Variants in KPNA4 observed in about 807,000 individuals in gnomAD.
KPNA4 encodes the protein importin subunit alpha-3.
KPNA4 carries 13 observed loss-of-function variants against 71.3 expected under a neutral mutation model. The ratio of observed to expected loss-of-function variants is 0.18; its 90% CI spans 0.12 to 0.29. The LOEUF (loss-of-function observed/expected upper bound fraction) is 0.29. KPNA4 is among the 10% of genes least tolerant of loss of function. The probability of loss-of-function intolerance (pLI) is 1.00; values close to 1 mark genes in which losing one functional copy is unlikely to be tolerated. For synonymous variants in KPNA4, 189 were observed against 195.2 expected, an observed-to-expected ratio of 0.97 and a Z score of 0.26; for missense variants, 334 against 603.2, an observed-to-expected ratio of 0.55 and a Z score of 4.67.
intron 15 of KPNA4, among the ~76,000 whole-genome samples, chr3:160,507,186 T>C (rs1429004614): frequency 1.3e-5 from 2 of 152,124 alleles, no homozygotes; most frequent in African/African-American, 4.8e-5. Flanking sequence ...AAACATCTAC[T>C]GTGCCATAAA....
chr3:160,521,153 T>C (rs993323746), intron 11 of KPNA4, among the ~76,000 whole-genome samples: 3 of 151,406 alleles, frequency 2.0e-5, no homozygotes, highest in Admixed American at 2.0e-4. Context: ...GGTGAGTAAA[T>C]AAGGATGGTT....
Position 160,526,255 on chromosome 3 carries a change from A to G in KPNA4, c.557-148T>C, listed in dbSNP as rs1056989329. ...GACAATAACAAGCAGGCTCACATTC[A>G]AGGTCTCTGAGCCAAGAGAGGCAAC... On this transcript the variant is annotated intron_variant, in intron 8 of 16. Coordinates refer to ENST00000334256, the MANE Select transcript of KPNA4 (RefSeq NM_002268.5). 7.7e-6 allele frequency: 4 copies of G among 517,180 alleles called. No individual in the cohort carries two copies. The African/African-American group carries it at 7.9e-5, about 10-fold the overall frequency. The allele number at this position is 517,180 out of a possible 1,614,324, so 32.0% of individuals were successfully genotyped here. A position where few individuals can be genotyped will look rare whatever the true frequency, so the allele number is the denominator to read the frequency against.
Position 160,499,278 on chromosome 3 carries a change from A to AT in KPNA4, c.*2825dup, listed in dbSNP as rs931656227. On this transcript the variant is annotated 3_prime_UTR_variant, in exon 17 of 17. Coordinates refer to ENST00000334256, the MANE Select transcript of KPNA4 (RefSeq NM_002268.5). ...ACAAAGGAAATATATTTAAAGATAG[A>AT]TTTTAGACTAGGGCGTCTCACACAC... The AT allele has an allele frequency of 1.3e-5, 2 of 152,188 alleles. No individual in the cohort carries two copies. The highest frequency in any genetic ancestry group is 4.8e-5 in the African/African-American group (2 of 41,438). The allele number at this position is 152,188 out of a possible 1,614,324, so 9.4% of individuals were successfully genotyped here.
chr3:160,547,197 CTTT>C (rs568249219), intron 1 of KPNA4, among the ~76,000 whole-genome samples: 54 of 152,068 alleles, frequency 3.6e-4, no homozygotes, highest in African/African-American at 1.3e-3. Flanking sequence ...TCATATTTGC[CTTT>C]TTTTGAAGAA....
At chr3:160,549,204 T>C (rs1721989731) in intron 1 of KPNA4, among the ~76,000 whole-genome samples, 1 of 152,214 alleles carries the variant, frequency 6.6e-6, no homozygotes. Context: ...ATCAGATACA[T>C]CATTTGCAAA....
intron 1 of KPNA4, among the ~76,000 whole-genome samples, chr3:160,545,684 T>C (rs74981159): frequency 1.1e-3 from 161 of 152,298 alleles, no homozygotes; most frequent in African/African-American, 3.7e-3. Context: ...AGGAGAGACA[T>C]GTTCTGATTT....
At chr3:160,541,377 C>G (rs773975373) in intron 1 of KPNA4, among the ~76,000 whole-genome samples, 74 of 151,822 alleles carry the variant, frequency 4.9e-4, no homozygotes, top group Non-Finnish European at 7.7e-4. Context: ...AATACAATGT[C>G]TTCATTTTAT....
intron 1 of KPNA4, among the ~76,000 whole-genome samples, chr3:160,556,598 CA>C (rs1418302937): frequency 6.6e-6 from 1 of 152,122 alleles, no homozygotes; most frequent in African/African-American, 2.4e-5. Context: ...AGAATGTTTG[CA>C]TAATACTTAG....
intron 1 of KPNA4, 59 bp downstream of exon 1, chr3:160,565,155 G>A: frequency 7.0e-7 from 1 of 1,419,780 alleles, no homozygotes; most frequent in South Asian, 1.2e-5. Flanking sequence ...TCGGGGTCCC[G>A]GCGGAGACCG....
At position 160,521,857 on chromosome 3, in the gene KPNA4, T is replaced by C; in HGVS notation, c.825A>G (p.Glu275=). 6.2e-7 allele frequency: 1 copy of C among 1,613,156 alleles called. No individual in the cohort carries two copies. Among genetic ancestry groups the C allele is most frequent in the Non-Finnish European group, 8.5e-7 (1 of 1,179,620 alleles). ...CAGAGTCTATTACCATCTGTATTTG[T>C]TCATTGCCAGCATCAGTAAGGTAAG... ...ALSYLTDAGN[E]QIQMVIDSGI... The change falls in exon 11 of 17, where the codon GAA becomes GAG. Residue 275 remains glutamate, a synonymous_variant. Transcript: ENST00000334256.
chr3:160,535,536 T>C lies in KPNA4; in HGVS notation c.264A>G (p.Gln88=), dbSNP rs148425016. 499 of 1,602,626 alleles carry C rather than the reference T, an allele frequency of 3.1e-4. 3 individuals carry two copies. In the African/African-American group the frequency reaches 4.6e-3, roughly 15 times the overall value. The part of the protein sequence containing the change: ...QNASSDNQGI[Q]LSAVQAARKL... ...ACCTAGCAGCTTGAACTGCACTTAATTGAATTCCTTGGTTATCACTTGAAG... is the reference window on the plus strand; with the variant it reads ...ACCTAGCAGCTTGAACTGCACTTAACTGAATTCCTTGGTTATCACTTGAAG... Residue 88 remains glutamine (Q), a synonymous_variant, in exon 5 of 17, where the codon CAA becomes CAG. Transcript: ENST00000334256.
chr3:160,558,984 T>C (rs1722193742), intron 1 of KPNA4, among the ~76,000 whole-genome samples: 1 of 152,178 alleles, frequency 6.6e-6, no homozygotes, highest in Non-Finnish European at 1.5e-5. Context: ...AAATGAAGAT[T>C]ACATATAAGC....
At position 160,505,112 on chromosome 3, in the gene KPNA4, A is replaced by C. The variant is rs933631791; in HGVS notation, c.1373-60T>G. 3 of 881,932 alleles carry C rather than the reference A, an allele frequency of 3.4e-6. No individual in the cohort carries two copies. In the African/African-American group the frequency reaches 5.2e-5, roughly 15 times the overall value. The allele number at this position is 881,932 out of a possible 1,614,324, so 54.6% of individuals were successfully genotyped here. ...TATTTAAAGAGCAGTGACAAGTTAG[A>C]ATAATCTTTGGAACACATAATCCAA... On this transcript the variant is annotated intron_variant, in intron 15 of 16. Transcript: ENST00000334256.
At chr3:160,515,604 T>C (rs747018091) in intron 11 of KPNA4, 24 bp from the exon 12 acceptor site, 1 of 1,608,314 alleles carries the variant, frequency 6.2e-7, no homozygotes, top group South Asian at 1.1e-5. Flanking sequence ...TGAGATGACA[T>C]TCTATGTGAA....
chr3:160,550,273 G>A (rs1722012852), intron 1 of KPNA4, among the ~76,000 whole-genome samples: 1 of 152,126 alleles, frequency 6.6e-6, no homozygotes, highest in Admixed American at 6.5e-5. Context: ...GAGCATCCTT[G>A]TTTGTTTTGT....
rs1433712212 is a variant in KPNA4 at position 160,496,071 on chromosome 3, T to TG, written c.*6032dup. 6.6e-6 allele frequency: 1 copy of TG among 152,144 alleles called. No homozygotes were observed. Among genetic ancestry groups the TG allele is most frequent in the African/African-American group, 2.4e-5 (1 of 41,412 alleles). 9.4% of individuals were successfully genotyped at this position (152,144 alleles called of 1,614,324 possible). A position where few individuals can be genotyped will look rare whatever the true frequency, so the allele number is the denominator to read the frequency against. On this transcript the variant is annotated 3_prime_UTR_variant, in exon 17 of 17. Coordinates refer to ENST00000334256, the MANE Select transcript of KPNA4 (RefSeq NM_002268.5). Reference sequence around the variant, plus strand: ...GGGAGGCCAAGGAGGGTGGATCATCTGAGGTCAGGAGTTCGAGACCAGCCT... The same window carrying TG: ...GGGAGGCCAAGGAGGGTGGATCATCTGGAGGTCAGGAGTTCGAGACCAGCCT...
At chr3:160,549,713 C>A (rs1486110058) in intron 1 of KPNA4, among the ~76,000 whole-genome samples, 7 of 152,190 alleles carry the variant, frequency 4.6e-5, no homozygotes, top group Admixed American at 4.6e-4. Context: ...GGTCTCCAGG[C>A]TTGTTCTTTC....
intron 1 of KPNA4, among the ~76,000 whole-genome samples, chr3:160,558,811 G>A (rs1414090863): frequency 6.6e-6 from 1 of 152,086 alleles, no homozygotes; most frequent in Non-Finnish European, 1.5e-5. Flanking sequence ...TAAGACTGCT[G>A]GTGCTTTAGA....
rs1410813453 is a variant in KPNA4, at chr3:160,497,287, C to G, written c.*4817G>C. On this transcript the variant is annotated 3_prime_UTR_variant, in exon 17 of 17. Transcript: ENST00000334256. ...AAAATTAGCCAGGCGTGGTAGCGTA[C>G]TCCTGTAATCCCAGCTACTCAGGAG... 1 of 152,118 alleles carries G rather than the reference C, an allele frequency of 6.6e-6. No homozygotes were observed. The highest frequency in any genetic ancestry group is 1.9e-4 in the East Asian group (1 of 5,186). The allele number at this position is 152,118 out of a possible 1,614,324, so 9.4% of individuals were successfully genotyped here. A position where few individuals can be genotyped will look rare whatever the true frequency, so the allele number is the denominator to read the frequency against.
Sources: gnomAD v4.1 joint callset for allele counts (sites outside exome capture counted in the v4.1 genomes callset) on GRCh38, gnomAD v4.1.1 for gene constraint, MANE v1.5 for transcripts, NCBI Gene and HGNC (gene_info 2026-07-23, HGNC 2026-07-21) for gene names.